The following HMCN2 variants were observed in gnomAD, a reference collection of about 807,000 sequenced individuals.
The protein encoded by HMCN2 is hemicentin-2.
In HMCN2, 325 loss-of-function variants were observed where a neutral mutation model predicts 377.5. The observed-to-expected ratio is 0.86, with a 90% CI of 0.79 to 0.94. The LOEUF (loss-of-function observed/expected upper bound fraction) is 0.94. Among genes scored for constraint, HMCN2 ranks in the 40% least tolerant of loss-of-function variants. HMCN2 has a pLI of 0.00. For missense variants in HMCN2, 4,543 were observed against 4,725.3 expected (o/e 0.96, Z 1.13); for synonymous variants, 2,007 against 2,046.8 (o/e 0.98, Z 0.53).
chr9:130,369,882 G>T lies in HMCN2; in HGVS notation c.7069+31G>T. ...GACCGGCAGCTGCTGGAGGAGTTGG[G>T]CTGGGGCAGATTAGAGTGGGCAAGG... On this transcript the variant is annotated intron_variant, in intron 45 of 97. Transcript: ENST00000683500. The surrounding 1 kb of genome is among the most constrained non-coding windows in gnomAD (Gnocchi z 4.5). 1.0e-6 allele frequency: 1 copy of T among 985,584 alleles called. No homozygotes were observed. The highest frequency in any genetic ancestry group is 1.1e-4 in the East Asian group (1 of 8,822). 61.1% of individuals were successfully genotyped at this position (985,584 alleles called of 1,614,324 possible).
chr9:130,383,664 G>T, intron 57 of HMCN2, 64 bp downstream of exon 57: 2 of 747,494 alleles, frequency 2.7e-6, no homozygotes, highest in Non-Finnish European at 3.3e-6. Flanking sequence ...GCACTGCCTT[G>T]GGGCTTCCAG....
intron 4 of HMCN2, among the ~76,000 whole-genome samples, chr9:130,292,997 T>TCTATCTAC (rs1425048039): frequency 7.5e-5 from 8 of 106,624 alleles, no homozygotes; most frequent in East Asian, 3.7e-4. Context: ...TATCTATCTA[T>TCTATCTAC]CTACCTACCT....
chr9:130,432,462 G>A lies in HMCN2; in HGVS notation c.14801G>A (p.Cys4934Tyr), dbSNP rs1284226638. 2 of 1,551,058 alleles carry A rather than the reference G, an allele frequency of 1.3e-6. No homozygotes were observed. The highest frequency in any genetic ancestry group is 1.7e-6 in the Non-Finnish European group (2 of 1,147,078). Residue 4934 changes from cysteine (C) to tyrosine (Y), a missense_variant, in exon 97 of 98, where the codon TGT (cysteine) becomes TAT (tyrosine). Physicochemically the swap from Cys to Tyr is radical, Grantham distance 194. Around this residue, in one of 5 missense-constraint regions of HMCN2, gnomAD observed 1,155 missense variants for 1,157.7 expected, o/e 1.00. Transcript: ENST00000683500. ...GAGTGCGAGGAGGAGAGCATCGAGTGTGGACCCGGCCAGATGTGCTTCAAC... is the reference window on the plus strand; with the variant it reads ...GAGTGCGAGGAGGAGAGCATCGAGTATGGACCCGGCCAGATGTGCTTCAAC... ...INECEEESIE[C>Y]GPGQMCFNTR...
chr9:130,323,355 G>A (rs1588241534), intron 19 of HMCN2, among the ~76,000 whole-genome samples: 2 of 152,094 alleles, frequency 1.3e-5, no homozygotes, highest in Admixed American at 6.5e-5. Context: ...CCCCTCTCTC[G>A]CTCCCCTTAG....
At chr9:130,380,306 G>C (rs551768648) in intron 54 of HMCN2, among the ~76,000 whole-genome samples, 51 of 152,260 alleles carry the variant, frequency 3.3e-4, no homozygotes, top group African/African-American at 1.1e-3. Flanking sequence ...AGGCTCCAGG[G>C]GTGGGGCTTA....
chr9:130,424,555 T>C (rs1478777139), intron 87 of HMCN2, among the ~76,000 whole-genome samples: 1 of 152,184 alleles, frequency 6.6e-6, no homozygotes, highest in Non-Finnish European at 1.5e-5. Flanking sequence ...CTTGTATAAA[T>C]TTATTAATTT....
Position 130,295,427 on chromosome 9 carries a change from T to TGG in HMCN2, c.785-238_785-237dup, listed in dbSNP as rs562622937. 2.4e-3 allele frequency among the ~76,000 whole-genome samples: 362 copies of TGG among 152,016 alleles called. 1 individual carries two copies. Among genetic ancestry groups the TGG allele is most frequent in the Non-Finnish European group, 3.8e-3 (261 of 67,934 alleles). On this transcript the variant is annotated intron_variant, in intron 5 of 97. Transcript: ENST00000683500. ...ATTCAGACATGGTCACCTGACCCCATGGTGTTCTGAGGATGTCATGAGCAC... is the reference window on the plus strand; with the variant it reads ...ATTCAGACATGGTCACCTGACCCCATGGGGTGTTCTGAGGATGTCATGAGCAC...
intron 1 of HMCN2, among the ~76,000 whole-genome samples, chr9:130,268,485 C>A (rs1834239222): frequency 6.7e-6 from 1 of 149,174 alleles, no homozygotes; most frequent in South Asian, 2.1e-4. Flanking sequence ...GGCTGGTAGC[C>A]CTCTGGGACA....
Position 130,423,003 on chromosome 9 carries a change from G to C in HMCN2, c.13381+277G>C, listed in dbSNP as rs1380308981. The stretch of plus-strand genomic sequence containing the variant: ...TGTGTGAAACGGTCAGTGTTCTGGG[G>C]GTGCGGGCGCTCAGATTGTGGTTTC... On this transcript the variant is annotated intron_variant, in intron 87 of 97. Coordinates refer to ENST00000683500, the MANE Select transcript of HMCN2 (RefSeq NM_001291815.2). This position sits in a 1 kb window ranked among gnomAD's most constrained non-coding sequence, Gnocchi z 5.5. Among the ~76,000 whole-genome samples, 1 of 152,206 alleles carries C rather than the reference G, an allele frequency of 6.6e-6. No individual in the cohort carries two copies. Among genetic ancestry groups the C allele is most frequent in the Non-Finnish European group, 1.5e-5 (1 of 68,034 alleles).
chr9:130,269,617 A>G lies in HMCN2; in HGVS notation c.259+3480A>G, dbSNP rs10123902. 8.5e-3 allele frequency among the ~76,000 whole-genome samples: 1,268 copies of G among 148,698 alleles called. 43 individuals carry two copies. The highest frequency in any genetic ancestry group is 0.03 in the African/African-American group (1,219 of 41,312). ...TTCTAATTCAAAAATGGAAAATGAT[A>G]TCTTCTTGTTTCAATTGCTAGTGAG... On this transcript the variant is annotated intron_variant, in intron 1 of 97. Transcript: ENST00000683500.
chr9:130,434,047 A>G lies in HMCN2; in HGVS notation c.*354A>G, dbSNP rs1844939477. On this transcript the variant is annotated 3_prime_UTR_variant, in exon 98 of 98. Transcript: ENST00000683500. Reference sequence around the variant, plus strand: ...GGGCAGACCCCGCGTTAGGGGTGGCAGCAGCTGTCGCCCGGCCACACCTGG... The same window carrying G: ...GGGCAGACCCCGCGTTAGGGGTGGCGGCAGCTGTCGCCCGGCCACACCTGG... The G allele has an allele frequency of 4.2e-6, 1 of 239,260 alleles. No homozygotes were observed. The highest frequency in any genetic ancestry group is 8.2e-5 in the East Asian group (1 of 12,222). 14.8% of individuals were successfully genotyped at this position (239,260 alleles called of 1,614,324 possible).
rs147225696 is a variant in HMCN2 at position 130,369,999 on chromosome 9, G to A, written c.7069+148G>A. 19 of 353,568 alleles carry A rather than the reference G, an allele frequency of 5.4e-5. No homozygotes were observed. The highest frequency in any genetic ancestry group is 4.0e-4 in the African/African-American group (18 of 45,086). The allele number at this position is 353,568 out of a possible 1,614,324, so 21.9% of individuals were successfully genotyped here. On this transcript the variant is annotated intron_variant, in intron 45 of 97. Coordinates refer to ENST00000683500, the MANE Select transcript of HMCN2 (RefSeq NM_001291815.2). The surrounding 1 kb of genome is among the most constrained non-coding windows in gnomAD (Gnocchi z 4.5). Reference sequence around the variant, plus strand: ...CAGGGCTCTAATGAGAGCTGCTGGTGGGGGGAGCCACCAACACTGCTCTCA... The same window carrying A: ...CAGGGCTCTAATGAGAGCTGCTGGTAGGGGGAGCCACCAACACTGCTCTCA...
At position 130,399,576 on chromosome 9, in the gene HMCN2, G is replaced by T; in HGVS notation, c.11549G>T (p.Cys3850Phe). The T allele has an allele frequency of 9.3e-6, 12 of 1,289,746 alleles. No individual in the cohort carries two copies. Among genetic ancestry groups the T allele is most frequent in the Non-Finnish European group, 1.2e-5 (12 of 988,790 alleles). 79.9% of individuals were successfully genotyped at this position (1,289,746 alleles called of 1,614,324 possible). A position where few individuals can be genotyped will look rare whatever the true frequency, so the allele number is the denominator to read the frequency against. Residue 3850 changes from cysteine to phenylalanine, a missense_variant, in exon 76 of 98, where the codon TGC becomes TTC. Cys to Phe is a radical substitution (Grantham distance 205, BLOSUM62 -2). This residue lies in a region of HMCN2 where 1,073 missense variants were observed against 1,319.5 expected (regional missense o/e 0.81). Coordinates refer to ENST00000683500, the MANE Select transcript of HMCN2 (RefSeq NM_001291815.2). ...CCCCAGGACTCAGCCCAGTTTGAAT[G>T]CGTGGTGAGCAATGAGGTGGGCGAG... The part of the protein sequence containing the change: ...PGPQDSAQFE[C>F]VVSNEVGEAH...
chr9:130,425,217 C>G, intron 89 of HMCN2, 87 bp downstream of exon 89: 2 of 1,387,438 alleles, frequency 1.4e-6, no homozygotes, highest in East Asian at 5.1e-5. Context: ...AGCAGCCAGG[C>G]CCACTCTCCC....
At position 130,405,244 on chromosome 9, in the gene HMCN2, G is replaced by T. The variant is rs531791702; in HGVS notation, c.12339+185G>T. 2.6e-5 allele frequency among the ~76,000 whole-genome samples: 4 copies of T among 152,352 alleles called. No individual in the cohort carries two copies. The South Asian group carries it at 8.3e-4, about 32-fold the overall frequency. On this transcript the variant is annotated intron_variant, in intron 81 of 97. Transcript: ENST00000683500. ...CCTAGTTGTCCACCATTGCCAAGAG[G>T]CAGAACCCAAATTTGAACCTGGACC...
At position 130,309,640 on chromosome 9, in the gene HMCN2, G is replaced by C. The variant is rs565811731; in HGVS notation, c.2201-272G>C. Among the ~76,000 whole-genome samples, 1,219 of 144,088 alleles carry C rather than the reference G, an allele frequency of 8.5e-3. 9 individuals carry two copies. The highest frequency in any genetic ancestry group is 0.013 in the Non-Finnish European group (876 of 67,658). 94.5% of individuals were successfully genotyped at this position (144,088 alleles called of 152,430 possible). A position where few individuals can be genotyped will look rare whatever the true frequency, so the allele number is the denominator to read the frequency against. On this transcript the variant is annotated intron_variant, in intron 14 of 97. Transcript: ENST00000683500. ...CTGGGGTGGAGGAGTGGACACCAGC[G>C]GGGGGGGTCCAAACATGGAGTTCTT...
Position 130,354,743 on chromosome 9 carries a change from GC to G in HMCN2, c.4865-15del. 27 of 1,271,282 alleles carry G rather than the reference GC, an allele frequency of 2.1e-5. No homozygotes were observed. The highest frequency in any genetic ancestry group is 2.8e-5 in the Non-Finnish European group (27 of 972,478). The allele number at this position is 1,271,282 out of a possible 1,614,324, so 78.8% of individuals were successfully genotyped here. ...AGCGTCCAGCTGTGGTCCCCAAGCC[GC>G]CCCCTGCCTCTTTTCCAGTCCCACC... On this transcript the variant is annotated intron_variant, in intron 31 of 97. Coordinates refer to ENST00000683500, the MANE Select transcript of HMCN2 (RefSeq NM_001291815.2).
intron 24 of HMCN2, among the ~76,000 whole-genome samples, chr9:130,341,739 C>T (rs1457574286): frequency 6.6e-6 from 1 of 152,190 alleles, no homozygotes; most frequent in African/African-American, 2.4e-5. Context: ...AGGCCAGTCA[C>T]CTACACTCTC....
rs543744099 is a variant in HMCN2 at position 130,424,271 on chromosome 9, C to T, written c.13382-505C>T. ...TTGGCTCACTGCAAGCTCTGCCTTC[C>T]GGGTTCACACCATTATCCTGCCTCA... On this transcript the variant is annotated intron_variant, in intron 87 of 97. Transcript: ENST00000683500. 8.6e-5 allele frequency among the ~76,000 whole-genome samples: 13 copies of T among 151,396 alleles called. No homozygotes were observed. The South Asian group carries it at 1.7e-3, about 19-fold the overall frequency.
Sources: gnomAD v4.1 joint callset for allele counts (sites outside exome capture counted in the v4.1 genomes callset) on GRCh38, gnomAD v4.1.1 for gene constraint, gnomAD v4.1.1 regional missense constraint, Gnocchi (gnomAD v3.1) non-coding constraint, MANE v1.5 for transcripts, NCBI Gene and HGNC (gene_info 2026-07-23, HGNC 2026-07-21) for gene names.